ZNF589: variants seen among roughly 807,000 people sequenced by gnomAD.
The protein encoded by ZNF589 is zinc finger protein 589, also known as KRAB-zinc finger protein SZF1-1.
A neutral mutation model predicts 13.6 loss-of-function variants in ZNF589; 17 were observed. The ratio of observed to expected loss-of-function variants is 1.25; its 90% CI spans 0.86 to 1.88. The LOEUF (loss-of-function observed/expected upper bound fraction) is 1.88. ZNF589 is among the 40% of genes most tolerant of loss of function. The probability of loss-of-function intolerance (pLI) is 0.00; values close to 1 mark genes in which losing one functional copy is unlikely to be tolerated. For synonymous variants in ZNF589, 148 were observed against 161.6 expected (o/e 0.92, Z 0.64); for missense variants, 407 against 434.0 (o/e 0.94, Z 0.55).
At chr3:48,250,742 G>T (rs1352807463) in intron 2 of ZNF589, among the ~76,000 whole-genome samples, 2 of 152,106 alleles carry the variant, frequency 1.3e-5, no homozygotes, top group Non-Finnish European at 2.9e-5. Flanking sequence ...GAAGTGCTGG[G>T]ATTACAGGCG....
intron 3 of ZNF589, among the ~76,000 whole-genome samples, chr3:48,263,731 C>G (rs566378180): frequency 2.0e-5 from 3 of 152,244 alleles, no homozygotes; most frequent in Admixed American, 2.0e-4. Flanking sequence ...TGCACTCCAA[C>G]CTGGGCAACA....
rs999468923 is a variant in ZNF589 at position 48,269,401 on chromosome 3, TCTC to T, written c.*619_*621del. 192 of 499,644 alleles carry T rather than the reference TCTC, an allele frequency of 3.8e-4. No individual in the cohort carries two copies. Among genetic ancestry groups the T allele is most frequent in the Admixed American group, 5.8e-4 (18 of 31,188 alleles). 31.0% of individuals were successfully genotyped at this position (499,644 alleles called of 1,614,324 possible). On this transcript the variant is annotated 3_prime_UTR_variant, in exon 4 of 4. Transcript: ENST00000354698. ...GGCGAGGCTTTTGTGATAAATCAAC[TCTC>T]CTCGCACACGAGCAGACACATTCAG...
intron 1 of ZNF589, among the ~76,000 whole-genome samples, chr3:48,242,019 C>T (rs2033704166): frequency 6.6e-6 from 1 of 152,052 alleles, no homozygotes; most frequent in Admixed American, 6.6e-5. Flanking sequence ...GCCATATTTG[C>T]CAGGCTGGTC....
At chr3:48,260,696 A>G (rs937860319) in intron 2 of ZNF589, 117 bp from the exon 3 acceptor site, 5 of 1,458,646 alleles carry the variant, frequency 3.4e-6, no homozygotes, top group African/African-American at 2.8e-5. Context: ...GGTGTGAGCC[A>G]CCGTGCCCGG....
Position 48,268,149 on chromosome 3 carries a change from C to T in ZNF589, c.458C>T (p.Pro153Leu). 1 of 1,613,924 alleles carries T rather than the reference C, an allele frequency of 6.2e-7. No individual in the cohort carries two copies. The highest frequency in any genetic ancestry group is 8.5e-7 in the Non-Finnish European group (1 of 1,179,872). Residue 153 changes from proline (P) to leucine (L), a missense_variant, in exon 4 of 4, where the codon CCC (proline) becomes CTC (leucine). Pro to Leu is a moderately conservative substitution (Grantham distance 98). Coordinates refer to ENST00000354698, the MANE Select transcript of ZNF589 (RefSeq NM_016089.3). ...EDQRVEGGVR[P>L]LFWSTNERGA... is the part of the protein sequence containing the mutation. ...CAACGAGTGGAAGGAGGCGTCAGACCCTTGTTTTGGAGTACAAATGAAAGG... is the reference window on the plus strand; with the variant it reads ...CAACGAGTGGAAGGAGGCGTCAGACTCTTGTTTTGGAGTACAAATGAAAGG...
chr3:48,247,590 G>A (rs749497682), intron 1 of ZNF589, 35 bp from the exon 2 acceptor site: 14 of 1,610,504 alleles, frequency 8.7e-6, no homozygotes, highest in African/African-American at 2.7e-5. Flanking sequence ...GCCTGGTAGG[G>A]CTGGCTTCTC....
At chr3:48,242,467 T>C (rs1478294303) in intron 1 of ZNF589, among the ~76,000 whole-genome samples, 1 of 151,490 alleles carries the variant, frequency 6.6e-6, no homozygotes, top group Non-Finnish European at 1.5e-5. Flanking sequence ...TGGGCAAATT[T>C]TTTTCTGTTT....
chr3:48,253,511 T>G (rs2033863591), intron 2 of ZNF589, among the ~76,000 whole-genome samples: 1 of 148,652 alleles, frequency 6.7e-6, no homozygotes, highest in South Asian at 2.1e-4. Flanking sequence ...TTTTTTTTTT[T>G]TTTTTTGAGA....
chr3:48,267,962 T>G lies in ZNF589; in HGVS notation c.271T>G (p.Phe91Val). The stretch of plus-strand genomic sequence containing the variant: ...TACCTGCCCTTCTTGCCCTCTGGCC[T>G]TTGGCAGTCAGCAGTTCCTCAGCCA... ...VHTCPSCPLA[F>V]GSQQFLSQDE... The change falls in exon 4 of 4, where the codon TTT becomes GTT. Residue 91 changes from phenylalanine to valine, a missense_variant. Phe to Val is a conservative substitution (Grantham distance 50). Coordinates refer to ENST00000354698, the MANE Select transcript of ZNF589 (RefSeq NM_016089.3). 6.2e-7 allele frequency: 1 copy of G among 1,613,496 alleles called. No homozygotes were observed. Among genetic ancestry groups the G allele is most frequent in the Non-Finnish European group, 8.5e-7 (1 of 1,180,036 alleles).
chr3:48,269,355 C>G lies in ZNF589; in HGVS notation c.*569C>G. 1 of 1,000,888 alleles carries G rather than the reference C, an allele frequency of 1.0e-6. No individual in the cohort carries two copies. The highest frequency in any genetic ancestry group is 1.6e-5 in the African/African-American group (1 of 61,046). The allele number at this position is 1,000,888 out of a possible 1,614,324, so 62.0% of individuals were successfully genotyped here. ...CGGAGTACACACTCCAAGGAAAAACCTTATGTGTGCAGCCAGTGTGGGCGA... is the reference window on the plus strand; with the variant it reads ...CGGAGTACACACTCCAAGGAAAAACGTTATGTGTGCAGCCAGTGTGGGCGA... On this transcript the variant is annotated 3_prime_UTR_variant, in exon 4 of 4. Transcript: ENST00000354698.
chr3:48,265,024 T>C (rs934614837), intron 3 of ZNF589, among the ~76,000 whole-genome samples: 5 of 151,718 alleles, frequency 3.3e-5, no homozygotes, highest in Non-Finnish European at 5.9e-5. Context: ...CAGGCTGGAG[T>C]GCGATGGTGT....
rs551494044 is a variant in ZNF589, at chr3:48,270,513, C to T, written c.*1727C>T. 1 of 351,678 alleles carries T rather than the reference C, an allele frequency of 2.8e-6. No individual in the cohort carries two copies. Among genetic ancestry groups the T allele is most frequent in the South Asian group, 2.2e-5 (1 of 45,064 alleles). The allele number at this position is 351,678 out of a possible 1,614,324, so 21.8% of individuals were successfully genotyped here. On this transcript the variant is annotated 3_prime_UTR_variant, in exon 4 of 4. Transcript: ENST00000354698. ...CCAGGGCCTTTAGCCATTTGTCTCT[C>T]CTCACACTCCAGGGCCCATATGGCC...
In ZNF589 at chr3:48,250,534, C is replaced by T. The variant is rs765445001; in HGVS notation, c.96+2857C>T. On this transcript the variant is annotated intron_variant, in intron 2 of 3. Transcript: ENST00000354698. ...TTGCCCACGCTGGAGTACAGTGATA[C>T]GATCTTGGCTCACTGCAATCTCCGT... Among the ~76,000 whole-genome samples the T allele has an allele frequency of 2.6e-5, 4 of 151,554 alleles. 1 individual carries two copies. The South Asian group carries it at 6.2e-4, about 24-fold the overall frequency.
intron 2 of ZNF589, among the ~76,000 whole-genome samples, chr3:48,251,615 A>G (rs1314914786): frequency 6.6e-6 from 1 of 151,504 alleles, no homozygotes; most frequent in African/African-American, 2.4e-5. Flanking sequence ...GGTGATTTTT[A>G]GTTTTTTTTT....
rs1490629581 is a variant in ZNF589, at chr3:48,269,102, C to A, written c.*316C>A. On this transcript the variant is annotated 3_prime_UTR_variant, in exon 4 of 4. Transcript: ENST00000354698. ...CTGGAGGACACACACGGGAGAGAAG[C>A]CTTACACGTGCTTTGAGTGTGGGCG... 3.5e-5 allele frequency: 23 copies of A among 653,568 alleles called. No individual in the cohort carries two copies. Among genetic ancestry groups the A allele is most frequent in the African/African-American group, 5.5e-5 (3 of 54,624 alleles). The allele number at this position is 653,568 out of a possible 1,614,324, so 40.5% of individuals were successfully genotyped here.
At chr3:48,254,131 C>T (rs977792654) in intron 2 of ZNF589, among the ~76,000 whole-genome samples, 1 of 152,058 alleles carries the variant, frequency 6.6e-6, no homozygotes, top group Non-Finnish European at 1.5e-5. Context: ...TGGCTCATGC[C>T]TGTAATCCCA....
chr3:48,252,640 T>C (rs1033022882), intron 2 of ZNF589, among the ~76,000 whole-genome samples: 8 of 146,900 alleles, frequency 5.4e-5, no homozygotes, highest in African/African-American at 7.6e-5. Context: ...TTTTTTTTTT[T>C]TGAAACGGAG....
At chr3:48,259,918 CAAA>C (rs538817691) in intron 2 of ZNF589, among the ~76,000 whole-genome samples, 12 of 98,124 alleles carry the variant, frequency 1.2e-4, no homozygotes, top group Non-Finnish European at 1.2e-4. Context: ...GACTCCGTAT[CAAA>C]AAAAAAAAAA....
chr3:48,245,630 ATTC>A (rs1402816815), intron 1 of ZNF589, among the ~76,000 whole-genome samples: 2 of 152,162 alleles, frequency 1.3e-5, no homozygotes, highest in Non-Finnish European at 2.9e-5. Flanking sequence ...TCAGAAAAAC[ATTC>A]TTCTTTCCCC....
Sources: gnomAD v4.1 joint callset for allele counts (sites outside exome capture counted in the v4.1 genomes callset) on GRCh38, gnomAD v4.1.1 for gene constraint, MANE v1.5 for transcripts, NCBI Gene and HGNC (gene_info 2026-07-23, HGNC 2026-07-21) for gene names.